The following NEGR1 variants were observed in gnomAD, a reference collection of about 807,000 sequenced individuals.
NEGR1 encodes neuronal growth regulator 1.
In NEGR1, 10 loss-of-function variants were observed where a neutral mutation model predicts 40.9. The observed-to-expected ratio is 0.24, with a 90% confidence interval of 0.15 to 0.42. The LOEUF (loss-of-function observed/expected upper bound fraction) is 0.42, where lower values mean the gene tolerates loss of function less well. Among genes scored for constraint, NEGR1 ranks in the 10% least tolerant of loss-of-function variants. The pLI, the probability that NEGR1 is intolerant of heterozygous loss-of-function variation, is 1.00. For synonymous variants in NEGR1, 185 were observed against 166.8 expected (o/e 1.11, Z -0.84); for missense variants, 352 against 438.9 (o/e 0.80, Z 1.77).
At chr1:71,801,239 A>C (rs1485680635) in intron 2 of NEGR1, among the ~76,000 whole-genome samples, 1 of 152,088 alleles carries the variant, frequency 6.6e-6, no homozygotes, top group South Asian at 2.1e-4. Context: ...TTTTCCTCCT[A>C]TCTCACTAGT....
At chr1:72,130,861 T>C (rs1335980088) in intron 1 of NEGR1, among the ~76,000 whole-genome samples, 4 of 151,900 alleles carry the variant, frequency 2.6e-5, no homozygotes, top group African/African-American at 7.3e-5. Flanking sequence ...GAGTACAAAC[T>C]TTAAAAATAT....
intron 1 of NEGR1, among the ~76,000 whole-genome samples, chr1:72,078,390 A>G (rs765418033): frequency 5.3e-5 from 8 of 152,018 alleles, no homozygotes; most frequent in Non-Finnish European, 1.0e-4. Flanking sequence ...ATTAAAATTC[A>G]TACATGGCTT....
Position 71,939,404 on chromosome 1 carries a change from A to G in NEGR1, c.177-4093T>C, listed in dbSNP as rs1213672662. Among the ~76,000 whole-genome samples the G allele has an allele frequency of 2.6e-5, 4 of 152,306 alleles. No homozygotes were observed. The East Asian group carries it at 7.7e-4, about 29-fold the overall frequency. On this transcript the variant is annotated intron_variant, in intron 1 of 6. Transcript: ENST00000357731. Reference sequence around the variant, plus strand: ...TCCAAGGGCCTAAAAATAATGAACAATAAATGTAAGCGTGTGTTGAGTGGA... The same window carrying G: ...TCCAAGGGCCTAAAAATAATGAACAGTAAATGTAAGCGTGTGTTGAGTGGA...
At chr1:72,143,159 A>C (rs1304667308) in intron 1 of NEGR1, among the ~76,000 whole-genome samples, 1 of 152,010 alleles carries the variant, frequency 6.6e-6, no homozygotes, top group Admixed American at 6.6e-5. Flanking sequence ...AGGCTCAAAA[A>C]TTATTATTTC....
intron 1 of NEGR1, among the ~76,000 whole-genome samples, chr1:72,269,021 C>T (rs754608284): frequency 9.2e-5 from 14 of 151,390 alleles, no homozygotes; most frequent in South Asian, 4.1e-4. Flanking sequence ...CTCTAGAAGA[C>T]GGATATATAA....
At chr1:71,431,153 C>G (rs1228728177) in intron 6 of NEGR1, among the ~76,000 whole-genome samples, 5 of 149,050 alleles carry the variant, frequency 3.4e-5, no homozygotes, top group African/African-American at 9.9e-5. Flanking sequence ...AATATGTATT[C>G]CCTGGCATTG....
At chr1:71,458,428 C>T (rs1646690351) in intron 6 of NEGR1, among the ~76,000 whole-genome samples, 1 of 152,224 alleles carries the variant, frequency 6.6e-6, no homozygotes, top group African/African-American at 2.4e-5. Context: ...GCAGATTTAA[C>T]AGTAACCTAT....
At chr1:71,630,073 T>C (rs781213580) in intron 4 of NEGR1, among the ~76,000 whole-genome samples, 4 of 152,000 alleles carry the variant, frequency 2.6e-5, no homozygotes, top group Non-Finnish European at 4.4e-5. Context: ...CTGAAAATGT[T>C]CTACCTTCTG....
chr1:71,800,510 G>C (rs1388399072), intron 2 of NEGR1, among the ~76,000 whole-genome samples: 1 of 152,116 alleles, frequency 6.6e-6, no homozygotes. Context: ...CAAAATTCCT[G>C]ACATACTGTA....
intron 4 of NEGR1, among the ~76,000 whole-genome samples, chr1:71,685,192 C>A (rs760164674): frequency 2.6e-5 from 4 of 152,098 alleles, no homozygotes; most frequent in African/African-American, 9.7e-5. Flanking sequence ...GATTTCTCTT[C>A]CCATTTGGCT....
chr1:71,972,915 TAAA>T (rs1401796780), intron 1 of NEGR1, among the ~76,000 whole-genome samples: 1 of 152,152 alleles, frequency 6.6e-6, no homozygotes, highest in Admixed American at 6.6e-5. Flanking sequence ...TAGTAAGACT[TAAA>T]TAATGATGTT....
intron 1 of NEGR1, among the ~76,000 whole-genome samples, chr1:71,945,412 A>G (rs1646009058): frequency 6.6e-6 from 1 of 152,116 alleles, no homozygotes; most frequent in Admixed American, 6.6e-5. Context: ...ATAACAAAAA[A>G]CCCTATGTAT....
intron 1 of NEGR1, among the ~76,000 whole-genome samples, chr1:72,119,914 G>T (rs1649733343): frequency 6.6e-6 from 1 of 151,984 alleles, no homozygotes; most frequent in African/African-American, 2.4e-5. Flanking sequence ...GTCTGGTTAT[G>T]CTGGAAGAGA....
rs528765274 is a variant in NEGR1 at position 72,176,774 on chromosome 1, A to G, written c.176+105545T>C. Among the ~76,000 whole-genome samples, 163 of 152,168 alleles carry G rather than the reference A, an allele frequency of 1.1e-3. 1 individual carries two copies. The highest frequency in any genetic ancestry group is 6.8e-3 in the Middle Eastern group (2 of 294). ...TTGTAAGCAGGAACAAATCATGGGA[A>G]GCCTCTATGCCTCGATAAGGTATAT... On this transcript the variant is annotated intron_variant, in intron 1 of 6. Transcript: ENST00000357731.
At chr1:72,072,888 T>C (rs1214519722) in intron 1 of NEGR1, among the ~76,000 whole-genome samples, 1 of 152,180 alleles carries the variant, frequency 6.6e-6, no homozygotes, top group Non-Finnish European at 1.5e-5. Context: ...TAGTCACAAA[T>C]TAATCACCAT....
intron 6 of NEGR1, among the ~76,000 whole-genome samples, chr1:71,504,123 T>A (rs569505270): frequency 6.7e-6 from 1 of 149,244 alleles, no homozygotes; most frequent in South Asian, 2.2e-4. Flanking sequence ...TAAAATAAAA[T>A]AAAAAAATAA....
intron 6 of NEGR1, among the ~76,000 whole-genome samples, chr1:71,566,819 C>T (rs1648635207): frequency 6.6e-6 from 1 of 152,236 alleles, no homozygotes; most frequent in African/African-American, 2.4e-5. Flanking sequence ...GTTCTGAAGG[C>T]TGGGAAATCC....
chr1:71,765,718 A>G (rs899411567), intron 3 of NEGR1, among the ~76,000 whole-genome samples: 8 of 152,170 alleles, frequency 5.3e-5, no homozygotes, highest in Non-Finnish European at 1.0e-4. Flanking sequence ...CCTGATTGAC[A>G]TTATTCACTA....
intron 1 of NEGR1, among the ~76,000 whole-genome samples, chr1:72,056,236 G>T (rs1425603362): frequency 6.6e-6 from 1 of 151,030 alleles, no homozygotes; most frequent in Non-Finnish European, 1.5e-5. Context: ...TTTTTATCTT[G>T]GTGTGTCTCA....
Sources: gnomAD v4.1 joint callset for allele counts (sites outside exome capture counted in the v4.1 genomes callset) on GRCh38, gnomAD v4.1.1 for gene constraint, MANE v1.5 for transcripts, NCBI Gene and HGNC (gene_info 2026-07-23, HGNC 2026-07-21) for gene names.